Variants in PDGFD observed in about 807,000 individuals in gnomAD.
PDGFD encodes platelet derived growth factor D.
A neutral mutation model predicts 44.7 loss-of-function variants in PDGFD; 30 were observed. The observed-to-expected ratio is 0.67, with a 90% confidence interval of 0.50 to 0.91. The LOEUF (loss-of-function observed/expected upper bound fraction) is 0.91. PDGFD is among the 40% of genes least tolerant of loss of function. PDGFD has a pLI of 0.00. For synonymous variants in PDGFD, 173 were observed against 168.4 expected (o/e 1.03, Z -0.21); for missense variants, 445 against 457.8 (o/e 0.97, Z 0.25).
At chr11:103,987,200 A>C (rs1045532722) in intron 3 of PDGFD, among the ~76,000 whole-genome samples, 2 of 152,042 alleles carry the variant, frequency 1.3e-5, no homozygotes, top group African/African-American at 4.8e-5. Flanking sequence ...TCTCTATTAC[A>C]ATTCCCCTGT....
At chr11:103,944,588 T>G (rs1858641811) in intron 4 of PDGFD, among the ~76,000 whole-genome samples, 1 of 152,148 alleles carries the variant, frequency 6.6e-6, no homozygotes, top group African/African-American at 2.4e-5. Context: ...ATATCTCCTA[T>G]CACTAAGGGA....
At chr11:103,957,483 T>C (rs1183275803) in intron 3 of PDGFD, among the ~76,000 whole-genome samples, 1 of 152,080 alleles carries the variant, frequency 6.6e-6, no homozygotes, top group Non-Finnish European at 1.5e-5. Flanking sequence ...AAGGCTACAG[T>C]AACCAAAGCA....
chr11:104,109,470 G>A (rs17101963), intron 1 of PDGFD, among the ~76,000 whole-genome samples: 2,699 of 152,150 alleles, frequency 0.018, 64 homozygotes, highest in African/African-American at 0.06. Flanking sequence ...CTAAAAAAAA[G>A]TCTTTTTGGA....
rs144543531 is a variant in PDGFD, at chr11:104,051,532, A to G, written c.125-51277T>C. On this transcript the variant is annotated intron_variant, in intron 1 of 6. Transcript: ENST00000393158. ...TCCAACATCCCAGAATTACTTAAAT[A>G]TAAATGAATACAGAGGTCCCTGGGA... Among the ~76,000 whole-genome samples the G allele has an allele frequency of 7.7e-3, 1,176 of 152,240 alleles. 17 individuals carry two copies. Among genetic ancestry groups the G allele is most frequent in the African/African-American group, 0.026 (1,099 of 41,532 alleles).
intron 1 of PDGFD, among the ~76,000 whole-genome samples, chr11:104,149,202 G>A (rs914364631): frequency 3.3e-5 from 5 of 152,036 alleles, no homozygotes; most frequent in Admixed American, 6.6e-5. Context: ...GGTACAGTAA[G>A]TTCTCACTTA....
chr11:103,998,284 C>T (rs1228544076), intron 2 of PDGFD, among the ~76,000 whole-genome samples: 1 of 152,024 alleles, frequency 6.6e-6, no homozygotes, highest in Admixed American at 6.6e-5. Flanking sequence ...TGGGAGGCCC[C>T]GAGGTAGCTT....
At chr11:103,987,721 A>G (rs1859390163) in intron 3 of PDGFD, among the ~76,000 whole-genome samples, 1 of 152,332 alleles carries the variant, frequency 6.6e-6, no homozygotes, top group South Asian at 2.1e-4. Flanking sequence ...AAGAAAGGCT[A>G]GTAAGTGATT....
intron 1 of PDGFD, among the ~76,000 whole-genome samples, chr11:104,104,021 G>A (rs1373335221): frequency 6.6e-6 from 1 of 151,910 alleles, no homozygotes; most frequent in Non-Finnish European, 1.5e-5. Flanking sequence ...AAGATGCAGA[G>A]GTGGAAGACA....
At chr11:104,099,950 C>T (rs1406629549) in intron 1 of PDGFD, among the ~76,000 whole-genome samples, 1 of 151,878 alleles carries the variant, frequency 6.6e-6, no homozygotes, top group East Asian at 1.9e-4. Context: ...TTTTGAATAC[C>T]ACACTAGTTC....
chr11:103,926,680 C>T (rs1435746932), intron 6 of PDGFD, among the ~76,000 whole-genome samples: 1 of 152,010 alleles, frequency 6.6e-6, no homozygotes, highest in Admixed American at 6.6e-5. Context: ...GATGTTGATC[C>T]ACATGGTGTA....
At chr11:104,050,850 T>A (rs1860523660) in intron 1 of PDGFD, among the ~76,000 whole-genome samples, 1 of 152,162 alleles carries the variant, frequency 6.6e-6, no homozygotes, top group African/African-American at 2.4e-5. Context: ...CAAGACTGAT[T>A]GTAATCTTAA....
chr11:104,152,116 C>A (rs1862255314), intron 1 of PDGFD, among the ~76,000 whole-genome samples: 1 of 152,102 alleles, frequency 6.6e-6, no homozygotes, highest in Admixed American at 6.5e-5. Flanking sequence ...GTAGTCTCTG[C>A]TTAACAAGTG....
rs1240921469 is a variant in PDGFD at position 103,908,991 on chromosome 11, T to C, written c.*703A>G. On this transcript the variant is annotated 3_prime_UTR_variant, in exon 7 of 7. Coordinates refer to ENST00000393158, the MANE Select transcript of PDGFD (RefSeq NM_025208.5). The stretch of plus-strand genomic sequence containing the variant: ...AATGAATAAGCATGCCTCAGCAAAA[T>C]GCATAAAAAACACAATGATTTAATT... 3 of 152,208 alleles carry C rather than the reference T, an allele frequency of 2.0e-5. No homozygotes were observed. Among genetic ancestry groups the C allele is most frequent in the Admixed American group, 6.5e-5 (1 of 15,282 alleles). The allele number at this position is 152,208 out of a possible 1,614,324, so 9.4% of individuals were successfully genotyped here. A position where few individuals can be genotyped will look rare whatever the true frequency, so the allele number is the denominator to read the frequency against.
intron 1 of PDGFD, among the ~76,000 whole-genome samples, chr11:104,143,483 T>C (rs1300826139): frequency 6.6e-6 from 1 of 152,158 alleles, no homozygotes; most frequent in African/African-American, 2.4e-5. Flanking sequence ...CAGCCGAAGG[T>C]CTGGTTTAAG....
At chr11:104,062,601 T>C (rs61892461) in intron 1 of PDGFD, among the ~76,000 whole-genome samples, 46 of 152,334 alleles carry the variant, frequency 3.0e-4, no homozygotes, top group Non-Finnish European at 6.5e-4. Flanking sequence ...ATTCATCCAC[T>C]TAAATCTTGA....
intron 6 of PDGFD, among the ~76,000 whole-genome samples, chr11:103,924,248 T>C (rs1858269185): frequency 6.6e-6 from 1 of 152,250 alleles, no homozygotes; most frequent in South Asian, 2.1e-4. Context: ...TGACCTTGAA[T>C]GTTCTTCCTC....
chr11:104,002,290 T>A (rs1424519401), intron 1 of PDGFD, among the ~76,000 whole-genome samples: 2 of 152,180 alleles, frequency 1.3e-5, no homozygotes, highest in African/African-American at 2.4e-5. Context: ...TCATCTCTAA[T>A]TGTAATCCTC....
At chr11:104,010,952 A>G (rs1436729289) in intron 1 of PDGFD, among the ~76,000 whole-genome samples, 1 of 152,132 alleles carries the variant, frequency 6.6e-6, no homozygotes, top group African/African-American at 2.4e-5. Context: ...TGCTTTAACC[A>G]CTGCCAACAT....
chr11:104,043,550 T>C (rs1446747305), intron 1 of PDGFD, among the ~76,000 whole-genome samples: 1 of 152,184 alleles, frequency 6.6e-6, no homozygotes, highest in Non-Finnish European at 1.5e-5. Flanking sequence ...AGTTTGACAA[T>C]TGTACTAGTT....
Sources: gnomAD v4.1 joint callset for allele counts (sites outside exome capture counted in the v4.1 genomes callset) on GRCh38, gnomAD v4.1.1 for gene constraint, MANE v1.5 for transcripts, NCBI Gene and HGNC (gene_info 2026-07-23, HGNC 2026-07-21) for gene names.